Variants in C1orf159 observed in about 807,000 individuals in gnomAD.
C1orf159 encodes the protein chromosome 1 open reading frame 159, also known as uncharacterized protein C1orf159.
Under a neutral mutation model 25.6 loss-of-function variants are expected in C1orf159, and 19 were observed. The observed-to-expected ratio is 0.74, with a 90% CI of 0.52 to 1.09. The LOEUF (loss-of-function observed/expected upper bound fraction) is 1.09. C1orf159 is among the 50% of genes least tolerant of loss of function. The pLI is 0.00. For synonymous variants in C1orf159, 139 were observed against 124.7 expected, an observed-to-expected ratio of 1.12 and a Z score of -0.77; for missense variants, 274 against 290.6, an observed-to-expected ratio of 0.94 and a Z score of 0.42.
intron 3 of C1orf159, chr1:1,090,922 C>T: frequency 6.4e-7 from 1 of 1,550,424 alleles, no homozygotes; most frequent in Non-Finnish European, 8.7e-7. Context: ...ACTGGACAGG[C>T]CTGGGGGGCT....
intron 3 of C1orf159, chr1:1,090,836 G>GCCCAGGTA: frequency 6.7e-7 from 1 of 1,494,066 alleles, no homozygotes; most frequent in Non-Finnish European, 9.1e-7. Context: ...ACGCCCAGGT[G>GCCCAGGTA]CCCAGGTACT....
intron 1 of C1orf159, among the ~76,000 whole-genome samples, chr1:1,093,085 G>A (rs969529195): frequency 1.3e-5 from 2 of 151,752 alleles, no homozygotes; most frequent in Non-Finnish European, 2.9e-5. Context: ...CCTCTCTGAT[G>A]TGAAATCCTT....
intron 1 of C1orf159, among the ~76,000 whole-genome samples, chr1:1,099,627 G>GGA (rs1397872014): frequency 6.9e-6 from 1 of 143,894 alleles, no homozygotes; most frequent in African/African-American, 2.7e-5. Context: ...TCTAAGAATT[G>GGA]GAGAGAGAGA....
In C1orf159 at chr1:1,084,473, T is replaced by C; in HGVS notation, c.471+8A>G. On this transcript the variant is annotated splice_region_variant and intron_variant, in intron 8 of 9. Transcript: ENST00000421241. ...GGACGCTCAGCCCGGATGATGTGGG[T>C]TACTTACGGCTTCGCCAGGCTGCAG... 1.3e-6 allele frequency: 2 copies of C among 1,564,546 alleles called. No individual in the cohort carries two copies. The highest frequency in any genetic ancestry group is 1.7e-6 in the Non-Finnish European group (2 of 1,155,378).
At chr1:1,098,543 T>C (rs929758052) in intron 1 of C1orf159, among the ~76,000 whole-genome samples, 40 of 152,242 alleles carry the variant, frequency 2.6e-4, no homozygotes, top group Non-Finnish European at 5.3e-4. Flanking sequence ...TTAAAATTCG[T>C]TGGAACTTGT....
At chr1:1,114,357 T>C (rs1646304812) in intron 1 of C1orf159, among the ~76,000 whole-genome samples, 1 of 152,186 alleles carries the variant, frequency 6.6e-6, no homozygotes, top group Non-Finnish European at 1.5e-5. Context: ...TTTTTTATTT[T>C]TTATAGAGAC....
intron 4 of C1orf159, among the ~76,000 whole-genome samples, chr1:1,088,314 C>T (rs1310341146): frequency 1.4e-5 from 1 of 73,190 alleles, no homozygotes; most frequent in African/African-American, 6.2e-5. Flanking sequence ...CCCAGGACCC[C>T]CCCACGGCCT....
At chr1:1,107,725 G>A (rs547915592) in intron 1 of C1orf159, among the ~76,000 whole-genome samples, 2 of 152,348 alleles carry the variant, frequency 1.3e-5, no homozygotes, top group South Asian at 2.1e-4. Flanking sequence ...GCCGGAGCCA[G>A]CAGCAGCAAC....
chr1:1,093,952 C>T (rs1017425308), intron 1 of C1orf159, among the ~76,000 whole-genome samples: 6 of 152,322 alleles, frequency 3.9e-5, no homozygotes, highest in Admixed American at 2.6e-4. Context: ...ATCTCTGTGT[C>T]GTTACAATCT....
chr1:1,114,786 C>T (rs1292557343), intron 1 of C1orf159, among the ~76,000 whole-genome samples: 2 of 152,050 alleles, frequency 1.3e-5, no homozygotes, highest in East Asian at 1.9e-4. Context: ...AACCGGCTCC[C>T]TCTGCGAGGG....
At chr1:1,103,074 C>T (rs1010791100) in intron 1 of C1orf159, among the ~76,000 whole-genome samples, 13 of 151,984 alleles carry the variant, frequency 8.6e-5, no homozygotes, top group Non-Finnish European at 1.3e-4. Context: ...AACTCCTGAC[C>T]GCAGGTGATC....
chr1:1,115,572 G>T (rs1646325546), intron 1 of C1orf159, among the ~76,000 whole-genome samples: 1 of 80,228 alleles, frequency 1.2e-5, no homozygotes, highest in Admixed American at 1.4e-4. Flanking sequence ...CCTCCCCAGG[G>T]ACCCCCTTCC....
At chr1:1,091,766 G>C in intron 2 of C1orf159, 1 of 247,462 alleles carries the variant, frequency 4.0e-6, no homozygotes, top group African/African-American at 3.0e-5. Flanking sequence ...GGAGGGTGGG[G>C]CCAAATGGAA....
At chr1:1,092,824 G>C (rs1202416990) in intron 1 of C1orf159, 1 of 152,308 alleles carries the variant, frequency 6.6e-6, no homozygotes, top group Non-Finnish European at 1.5e-5. Context: ...TGGAAGGTGG[G>C]GGTGGTCGGA....
In C1orf159 at chr1:1,085,919, C is replaced by T. The variant is rs759204817; in HGVS notation, c.404G>A (p.Arg135His). 9.9e-6 allele frequency: 16 copies of T among 1,613,164 alleles called. No individual in the cohort carries two copies. Among genetic ancestry groups the T allele is most frequent in the Middle Eastern group, 1.6e-4 (1 of 6,082 alleles). The change falls in exon 7 of 10, where the codon CGC becomes CAC. Residue 135 changes from arginine (R) to histidine (H), a missense_variant. Arg to His is a conservative substitution (Grantham distance 29). Transcript: ENST00000421241. Reference sequence around the variant, plus strand: ...GCAGGCCCTGGGGAGTTTACTGGAGCGCTTGAGGTAGAAGAACCCAGCTAC... The same window carrying T: ...GCAGGCCCTGGGGAGTTTACTGGAGTGCTTGAGGTAGAAGAACCCAGCTAC... ...LSVAGFFYLK[R>H]SSKLPRACYR... is the part of the protein sequence containing the mutation.
intron 1 of C1orf159, chr1:1,106,203 C>T (rs1646168462): frequency 6.6e-6 from 1 of 152,120 alleles, no homozygotes; most frequent in African/African-American, 2.4e-5. Context: ...ATGGTAGACT[C>T]CAACCCAAAC....
chr1:1,095,024 A>G (rs1426812484), intron 1 of C1orf159, among the ~76,000 whole-genome samples: 1 of 152,234 alleles, frequency 6.6e-6, no homozygotes, highest in South Asian at 2.1e-4. Context: ...TTGAAAATCA[A>G]TGGACTATAG....
chr1:1,085,768 C>A (rs1645818565), intron 7 of C1orf159, 110 bp downstream of exon 7: 2 of 1,405,232 alleles, frequency 1.4e-6, no homozygotes, highest in East Asian at 5.0e-5. Flanking sequence ...CCCTCCCGGC[C>A]TCTGCCAGCC....
chr1:1,083,476 G>T (rs537972817), intron 9 of C1orf159: 3 of 218,114 alleles, frequency 1.4e-5, no homozygotes, highest in Non-Finnish European at 2.7e-5. Context: ...ACGCAGAGGT[G>T]GGGGAGACGC....
Sources: allele counts gnomAD v4.1 joint callset (sites outside exome capture counted in the v4.1 genomes callset), GRCh38; gene constraint gnomAD v4.1.1; transcripts MANE v1.5; gene names NCBI Gene and HGNC (gene_info 2026-07-23, HGNC 2026-07-21).